Variants in GRIK2 observed in about 807,000 individuals in gnomAD.
The protein encoded by GRIK2 is glutamate receptor ionotropic, kainate 2.
A neutral mutation model predicts 100.3 loss-of-function variants in GRIK2; 32 were observed. The observed-to-expected ratio is 0.32, with a 90% CI of 0.24 to 0.43. The LOEUF (loss-of-function observed/expected upper bound fraction) is 0.43. Ranked by LOEUF, GRIK2 falls within the 20% of genes least tolerant of loss-of-function variation. The pLI, the probability that GRIK2 is intolerant of heterozygous loss-of-function variation, is 1.00. For missense variants in GRIK2, 843 were observed against 1,114.9 expected (o/e 0.76, Z 3.47); for synonymous variants, 417 against 389.4 (o/e 1.07, Z -0.83).
At chr6:101,812,649 G>A (rs1409750022) in intron 9 of GRIK2, among the ~76,000 whole-genome samples, 4 of 151,946 alleles carry the variant, frequency 2.6e-5, no homozygotes, top group Non-Finnish European at 5.9e-5. Flanking sequence ...TAGGGAATTA[G>A]TTTTTACTAG....
intron 2 of GRIK2, among the ~76,000 whole-genome samples, chr6:101,504,727 G>A (rs911359427): frequency 1.3e-5 from 2 of 151,896 alleles, no homozygotes; most frequent in African/African-American, 4.8e-5. Context: ...CCTTTGTGGA[G>A]GTTATGAGAT....
At chr6:101,549,467 G>A (rs1421109114) in intron 2 of GRIK2, among the ~76,000 whole-genome samples, 2 of 152,088 alleles carry the variant, frequency 1.3e-5, no homozygotes, top group African/African-American at 4.8e-5. Flanking sequence ...CCTGGCTCAA[G>A]ATGACATTGT....
At chr6:101,855,090 T>C (rs1784355485) in intron 10 of GRIK2, among the ~76,000 whole-genome samples, 1 of 152,162 alleles carries the variant, frequency 6.6e-6, no homozygotes, top group Non-Finnish European at 1.5e-5. Flanking sequence ...CTTTGTATTT[T>C]TGAATCTGGG....
intron 7 of GRIK2, among the ~76,000 whole-genome samples, chr6:101,732,255 T>C (rs1400777323): frequency 6.6e-6 from 1 of 152,182 alleles, no homozygotes; most frequent in Middle Eastern, 3.4e-3. Flanking sequence ...ACAATCAACT[T>C]CCTATTTGGA....
At chr6:101,883,392 G>A (rs573050832) in intron 11 of GRIK2, among the ~76,000 whole-genome samples, 2 of 151,838 alleles carry the variant, frequency 1.3e-5, no homozygotes, top group African/African-American at 4.8e-5. Flanking sequence ...TCAAAAAATA[G>A]TTGTTTAGTG....
chr6:101,517,468 A>G (rs1460972480), intron 2 of GRIK2, among the ~76,000 whole-genome samples: 5 of 152,134 alleles, frequency 3.3e-5, no homozygotes, highest in Non-Finnish European at 7.4e-5. Flanking sequence ...CTCACAGTAG[A>G]CGATCAAGAA....
chr6:101,473,097 T>TTTCCTTCC (rs202063345), intron 2 of GRIK2, among the ~76,000 whole-genome samples: 5,311 of 133,134 alleles, frequency 0.04, 164 homozygotes, highest in East Asian at 0.13. Flanking sequence ...AATCCTAGGT[T>TTTCCTTCC]TTCCTTCCTT....
intron 2 of GRIK2, among the ~76,000 whole-genome samples, chr6:101,411,816 C>G (rs991428888): frequency 4.6e-5 from 7 of 151,956 alleles, no homozygotes; most frequent in African/African-American, 1.7e-4. Flanking sequence ...ACCCCATAGC[C>G]CAAAGGGATC....
chr6:101,406,697 G>A (rs967462654), intron 2 of GRIK2, among the ~76,000 whole-genome samples: 1 of 152,140 alleles, frequency 6.6e-6, no homozygotes, highest in Admixed American at 6.5e-5. Flanking sequence ...GTGTGGAAGG[G>A]AGGCTGAGAA....
At chr6:101,778,796 G>A (rs926215440) in intron 7 of GRIK2, among the ~76,000 whole-genome samples, 57 of 151,948 alleles carry the variant, frequency 3.8e-4, no homozygotes, top group African/African-American at 1.3e-3. Flanking sequence ...TTTAATTTTT[G>A]TGTAACTCTT....
At chr6:102,064,799 G>A (rs1771934956) in intron 16 of GRIK2, among the ~76,000 whole-genome samples, 1 of 151,044 alleles carries the variant, frequency 6.6e-6, no homozygotes, top group African/African-American at 2.4e-5. Context: ...TAAACAAAAA[G>A]AAAAGAATGT....
intron 10 of GRIK2, among the ~76,000 whole-genome samples, chr6:101,845,488 A>G (rs529267497): frequency 3.9e-5 from 6 of 152,172 alleles, no homozygotes; most frequent in South Asian, 2.1e-4. Context: ...ACATGTATCA[A>G]TACTTCAATA....
chr6:102,002,528 G>A (rs1400639392), intron 14 of GRIK2, among the ~76,000 whole-genome samples: 1 of 149,490 alleles, frequency 6.7e-6, no homozygotes, highest in Admixed American at 6.7e-5. Context: ...TCTATTTAAT[G>A]AGTCACTGAG....
chr6:101,949,197 CG>C (rs11345924), intron 14 of GRIK2, among the ~76,000 whole-genome samples: 5,013 of 150,162 alleles, frequency 0.033, 288 homozygotes, highest in African/African-American at 0.12. Flanking sequence ...TGTGTTTTTG[CG>C]ATTTTTTTTT....
At position 101,639,246 on chromosome 6, in the gene GRIK2, C is replaced by T. The variant is rs368620247; in HGVS notation, c.541+12609C>T. ...AGAGATGGGATTTCACCATGTTGGT[C>T]GGGTCGCAAACTCCTGATATCAAGT... On this transcript the variant is annotated intron_variant, in intron 4 of 16. Transcript: ENST00000369134. 4.6e-5 allele frequency among the ~76,000 whole-genome samples: 7 copies of T among 152,138 alleles called. No homozygotes were observed. The East Asian group carries it at 1.2e-3, about 25-fold the overall frequency.
chr6:101,843,548 A>G (rs1015439484), intron 10 of GRIK2, among the ~76,000 whole-genome samples: 1 of 152,152 alleles, frequency 6.6e-6, no homozygotes, highest in Non-Finnish European at 1.5e-5. Flanking sequence ...TTGTTGAACA[A>G]GTACTAAGAA....
intron 7 of GRIK2, among the ~76,000 whole-genome samples, chr6:101,776,919 A>T (rs1778781436): frequency 6.6e-6 from 1 of 152,210 alleles, no homozygotes; most frequent in African/African-American, 2.4e-5. Flanking sequence ...GGGTTGAAGC[A>T]TTATACTTTC....
intron 14 of GRIK2, among the ~76,000 whole-genome samples, chr6:101,959,771 C>T (rs1363826637): frequency 3.3e-5 from 5 of 152,066 alleles, no homozygotes; most frequent in Non-Finnish European, 5.9e-5. Context: ...AGACACTTCT[C>T]TCTTGCTGCT....
intron 2 of GRIK2, among the ~76,000 whole-genome samples, chr6:101,479,958 G>A (rs1772442988): frequency 6.6e-6 from 1 of 152,124 alleles, no homozygotes; most frequent in South Asian, 2.1e-4. Flanking sequence ...AGTGGGACTT[G>A]TCAACTCCCA....
Sources: gnomAD v4.1 joint callset for allele counts (sites outside exome capture counted in the v4.1 genomes callset) on GRCh38, gnomAD v4.1.1 for gene constraint, MANE v1.5 for transcripts, NCBI Gene and HGNC (gene_info 2026-07-23, HGNC 2026-07-21) for gene names.